Variants in ATG2B observed in about 807,000 individuals in gnomAD.
ATG2B encodes autophagy-related protein 2 homolog B.
In ATG2B, 121 loss-of-function variants were observed where a neutral mutation model predicts 241.3. That is an observed-to-expected ratio of 0.50 (90% confidence interval 0.43 to 0.58). The LOEUF (loss-of-function observed/expected upper bound fraction) is 0.58. Among genes scored for constraint, ATG2B ranks in the 20% least tolerant of loss-of-function variants. The pLI is 0.00. For synonymous variants in ATG2B, 858 were observed against 876.6 expected (o/e 0.98, Z 0.37); for missense variants, 2,306 against 2,491.6 (o/e 0.93, Z 1.59).
chr14:96,281,981 T>G lies in ATG2B; in HGVS notation c.*3774A>C, dbSNP rs984429477. ...GCACTATAATGGGGGGAAATACTTC[T>G]GAATAAAAACATTGGCTGACTTGCA... On this transcript the variant is annotated 3_prime_UTR_variant, in exon 42 of 42. Transcript: ENST00000359933. 1.1e-4 allele frequency: 17 copies of G among 152,226 alleles called. No individual in the cohort carries two copies. The highest frequency in any genetic ancestry group is 3.6e-4 in the African/African-American group (15 of 41,450). 9.4% of individuals were successfully genotyped at this position (152,226 alleles called of 1,614,324 possible).
intron 30 of ATG2B, among the ~76,000 whole-genome samples, chr14:96,306,104 T>C (rs1201787575): frequency 6.6e-6 from 1 of 152,190 alleles, no homozygotes; most frequent in Admixed American, 6.5e-5. Context: ...AGTGTGTGGG[T>C]ATTTTTTTTT....
intron 1 of ATG2B, among the ~76,000 whole-genome samples, chr14:96,351,667 C>T (rs1042678912): frequency 6.6e-6 from 1 of 150,488 alleles, no homozygotes; most frequent in Non-Finnish European, 1.5e-5. Flanking sequence ...ACCCGGGAGG[C>T]GGAAGTTACC....
chr14:96,305,292 C>A (rs1218434891), intron 31 of ATG2B, among the ~76,000 whole-genome samples: 1 of 152,160 alleles, frequency 6.6e-6, no homozygotes, highest in South Asian at 2.1e-4. Flanking sequence ...ACATGACTCA[C>A]AGGACCTACT....
In ATG2B at chr14:96,280,424, C is replaced by T. The variant is rs116287579; in HGVS notation, c.*5331G>A. 1.3e-5 allele frequency: 2 copies of T among 152,270 alleles called. No individual in the cohort carries two copies. Among genetic ancestry groups the T allele is most frequent in the African/African-American group, 4.8e-5 (2 of 41,538 alleles). 9.4% of individuals were successfully genotyped at this position (152,270 alleles called of 1,614,324 possible). A position where few individuals can be genotyped will look rare whatever the true frequency, so the allele number is the denominator to read the frequency against. On this transcript the variant is annotated 3_prime_UTR_variant, in exon 42 of 42. Transcript: ENST00000359933. Reference sequence around the variant, plus strand: ...TGGGGGCTGTGAAATTATAAAAAGACAGTAGGATACTTGGCACACAGTAAG... The same window carrying T: ...TGGGGGCTGTGAAATTATAAAAAGATAGTAGGATACTTGGCACACAGTAAG...
chr14:96,332,833 G>A (rs1325445169), intron 8 of ATG2B, among the ~76,000 whole-genome samples, 178 bp from the exon 9 acceptor site: 1 of 152,088 alleles, frequency 6.6e-6, no homozygotes, highest in Non-Finnish European at 1.5e-5. Context: ...TAATGGCATA[G>A]TAAAAACTCA....
intron 31 of ATG2B, 31 bp from the exon 32 acceptor site, chr14:96,304,634 T>G (rs1886886635): frequency 2.2e-6 from 3 of 1,372,414 alleles, no homozygotes; most frequent in Non-Finnish European, 3.1e-6. Context: ...AAAAAACCCT[T>G]TTGTTAAAGG....
At chr14:96,296,499 C>A (rs527336500) in intron 34 of ATG2B, among the ~76,000 whole-genome samples, 1 of 152,156 alleles carries the variant, frequency 6.6e-6, no homozygotes, top group East Asian at 1.9e-4. Flanking sequence ...CAGTGGCTCA[C>A]ATCTGTAATC....
chr14:96,298,266 G>A lies in ATG2B; in HGVS notation c.5140-2706C>T, dbSNP rs76553885. On this transcript the variant is annotated intron_variant, in intron 34 of 41. Coordinates refer to ENST00000359933, the MANE Select transcript of ATG2B (RefSeq NM_018036.7). The stretch of plus-strand genomic sequence containing the variant: ...GCATCCCAGCTAAAATTTTAAGAAC[G>A]ACAATACCAAGTTTGGCAAGGCTAT... Among the ~76,000 whole-genome samples the A allele has an allele frequency of 3.9e-3, 589 of 152,196 alleles. 6 individuals are homozygous for A. Among genetic ancestry groups the A allele is most frequent in the African/African-American group, 0.013 (538 of 41,504 alleles).
In ATG2B at chr14:96,284,859, T is replaced by C. The variant is rs1318006218; in HGVS notation, c.*896A>G. ...TTAACTAGGGCATATTTGAAGAATTTTGTTTACTTTTAAAAGAGGAAAAAT... is the reference window on the plus strand; with the variant it reads ...TTAACTAGGGCATATTTGAAGAATTCTGTTTACTTTTAAAAGAGGAAAAAT... On this transcript the variant is annotated 3_prime_UTR_variant, in exon 42 of 42. Coordinates refer to ENST00000359933, the MANE Select transcript of ATG2B (RefSeq NM_018036.7). The C allele has an allele frequency of 3.9e-5, 6 of 152,202 alleles. No individual in the cohort carries two copies. Among genetic ancestry groups the C allele is most frequent in the Admixed American group, 2.6e-4 (4 of 15,284 alleles). 9.4% of individuals were successfully genotyped at this position (152,202 alleles called of 1,614,324 possible).
intron 3 of ATG2B, among the ~76,000 whole-genome samples, chr14:96,344,991 GTTA>G (rs1888134498): frequency 6.6e-6 from 1 of 151,520 alleles, no homozygotes; most frequent in Non-Finnish European, 1.5e-5. Flanking sequence ...AACACTATCT[GTTA>G]TATTCTAATC....
chr14:96,362,928 G>A lies in ATG2B; in HGVS notation c.49C>T (p.Leu17Phe). The A allele has an allele frequency of 6.2e-7, 1 of 1,613,694 alleles. No individual in the cohort carries two copies. The highest frequency in any genetic ancestry group is 8.5e-7 in the Non-Finnish European group (1 of 1,179,974). ...AAGTGGCCCAGGTACCTCTGCAGGA[G>A]GTACCGGCAGGCCCTCTTCTTGATG... ...ESIKKRACRY[L>F]LQRYLGHFLQ... Residue 17 changes from leucine to phenylalanine, a missense_variant, in exon 1 of 42, where the codon CTC (leucine) becomes TTC (phenylalanine). Leu to Phe is a conservative substitution (Grantham distance 22). Around this residue, in one of 2 missense-constraint regions of ATG2B, gnomAD observed 1,927 missense variants for 2,011.2 expected, o/e 0.96. Coordinates refer to ENST00000359933, the MANE Select transcript of ATG2B (RefSeq NM_018036.7).
intron 6 of ATG2B, among the ~76,000 whole-genome samples, chr14:96,341,042 C>T (rs1888021302): frequency 6.6e-6 from 1 of 151,320 alleles, no homozygotes; most frequent in African/African-American, 2.4e-5. Context: ...AAATATTATA[C>T]AACTATATAA....
Position 96,322,700 on chromosome 14 carries a change from GA to G in ATG2B, c.2575del (p.Ser859ProfsTer29). The G allele has an allele frequency of 6.2e-7, 1 of 1,613,460 alleles. No individual in the cohort carries two copies. The highest frequency in any genetic ancestry group is 8.5e-7 in the Non-Finnish European group (1 of 1,179,778). On this transcript the variant is annotated frameshift_variant, in exon 17 of 42. Transcript: ENST00000359933. LOFTEE classifies it high-confidence loss of function. ...VLKINPPAMH[S>X]ILERIAAEEE... Reference sequence around the variant, plus strand: ...TTCAGCTGCAATTCTCTCCAAAATGGAATGCATGGCTGGTGGATTTATTTTC... The same window carrying G: ...TTCAGCTGCAATTCTCTCCAAAATGGATGCATGGCTGGTGGATTTATTTTC...
At chr14:96,323,840 G>T (rs964794255) in intron 16 of ATG2B, 56 bp downstream of exon 16, 3 of 1,161,396 alleles carry the variant, frequency 2.6e-6, no homozygotes, top group African/African-American at 1.6e-5. Context: ...TGGTTTAAAA[G>T]AATATTTTAT....
chr14:96,313,427 G>A lies in ATG2B; in HGVS notation c.3651C>T (p.Tyr1217=), dbSNP rs1395834715. The A allele has an allele frequency of 6.5e-7, 1 of 1,542,656 alleles. No homozygotes were observed. The highest frequency in any genetic ancestry group is 2.2e-5 in the Admixed American group (1 of 45,002). The change falls in exon 24 of 42, where the codon TAC becomes TAT. Residue 1217 remains tyrosine, a synonymous_variant. Coordinates refer to ENST00000359933, the MANE Select transcript of ATG2B (RefSeq NM_018036.7). ...SGLSWHEQIL[Y]FLNIADEPVL... ...CAGGTTCATCAGCAATATTCAAGAA[G>A]TATAAAATCTATAATCACAAAAAAT... is the stretch of plus-strand genomic sequence containing the variant.
chr14:96,331,710 T>A, intron 10 of ATG2B, 73 bp from the exon 11 acceptor site: 2 of 1,185,966 alleles, frequency 1.7e-6, no homozygotes, highest in Non-Finnish European at 2.3e-6. Flanking sequence ...AAACATTTAC[T>A]CATTTATTAG....
Position 96,285,604 on chromosome 14 carries a change from T to G in ATG2B, c.*151A>C. 1.4e-6 allele frequency: 1 copy of G among 698,946 alleles called. No homozygotes were observed. Among genetic ancestry groups the G allele is most frequent in the East Asian group, 2.7e-5 (1 of 36,558 alleles). 43.3% of individuals were successfully genotyped at this position (698,946 alleles called of 1,614,324 possible). ...TAAATGTCAGAAGTTTTTGGTTGCA[T>G]GTTGTTTTGATGTTAAATTATTTAA... On this transcript the variant is annotated 3_prime_UTR_variant, in exon 42 of 42. Coordinates refer to ENST00000359933, the MANE Select transcript of ATG2B (RefSeq NM_018036.7). This position sits in a 1 kb window ranked among gnomAD's most constrained non-coding sequence, Gnocchi z 4.2.
chr14:96,343,580 C>T (rs1888100307), intron 4 of ATG2B, among the ~76,000 whole-genome samples: 3 of 151,952 alleles, frequency 2.0e-5, no homozygotes, highest in Admixed American at 6.6e-5. Context: ...ATGAAGAGGT[C>T]TTAACTCCAA....
At chr14:96,362,684 G>A in intron 1 of ATG2B, 131 bp downstream of exon 1, 1 of 884,762 alleles carries the variant, frequency 1.1e-6, no homozygotes, top group Non-Finnish European at 1.7e-6. Flanking sequence ...ACATTTCTCT[G>A]AGCCGTGTCA....
Sources: allele counts gnomAD v4.1 joint callset (sites outside exome capture counted in the v4.1 genomes callset), GRCh38; gene constraint gnomAD v4.1.1; regional missense constraint gnomAD v4.1.1; non-coding constraint Gnocchi (gnomAD v3.1); transcripts MANE v1.5; gene names NCBI Gene and HGNC (gene_info 2026-07-23, HGNC 2026-07-21).